Variants in LEMD3 observed in about 807,000 individuals in gnomAD.
LEMD3 encodes LEM domain containing 3.
Under a neutral mutation model 95.2 loss-of-function variants are expected in LEMD3, and 33 were observed. That is an observed-to-expected ratio of 0.35 (90% CI 0.26 to 0.46). LEMD3 has a LOEUF of 0.46. Among genes scored for constraint, LEMD3 ranks in the 20% least tolerant of loss-of-function variants. LEMD3 has a pLI of 1.00. For missense variants in LEMD3, 1,210 were observed against 1,192.8 expected, an observed-to-expected ratio of 1.01 and a Z score of -0.21; for synonymous variants, 525 against 474.6, an observed-to-expected ratio of 1.11 and a Z score of -1.38.
intron 1 of LEMD3, 131 bp downstream of exon 1, chr12:65,171,249 C>T (rs1592425984): frequency 2.0e-6 from 3 of 1,470,564 alleles, no homozygotes; most frequent in East Asian, 4.9e-5. Context: ...CGCAACAGTG[C>T]GTGCATGTGT....
At chr12:65,194,817 C>CTTTAGATTATAATTAATAAATTATAA (rs1869362664) in intron 1 of LEMD3, among the ~76,000 whole-genome samples, 4 of 10,426 alleles carry the variant, frequency 3.8e-4, no homozygotes, top group Non-Finnish European at 9.3e-4. Context: ...CTTAATTATA[C>CTTTAGATTATAATTAATAAATTATAA]TTTAGATTAT....
chr12:65,193,041 T>C (rs1432964450), intron 1 of LEMD3, among the ~76,000 whole-genome samples: 1 of 152,204 alleles, frequency 6.6e-6, no homozygotes, highest in Non-Finnish European at 1.5e-5. Context: ...ACTGCTGTGC[T>C]GTATAATACA....
Position 65,170,640 on chromosome 12 carries a change from A to G in LEMD3, c.1044A>G (p.Gln348=), listed in dbSNP as rs1207437430. ...AAAEQGGGCD[Q]VDSSPVPRYR... The stretch of plus-strand genomic sequence containing the variant: ...CGGAGCAGGGAGGAGGGTGTGATCA[A>G]GTGGACTCCAGCCCCGTTCCTAGAT... The change falls in exon 1 of 13, where the codon CAA becomes CAG. Residue 348 remains glutamine (Q), a synonymous_variant. Transcript: ENST00000308330. The G allele has an allele frequency of 6.2e-7, 1 of 1,614,150 alleles. No homozygotes were observed. The highest frequency in any genetic ancestry group is 1.1e-5 in the South Asian group (1 of 91,082).
intron 4 of LEMD3, among the ~76,000 whole-genome samples, chr12:65,228,340 A>G (rs1592456853): frequency 6.6e-6 from 1 of 151,656 alleles, no homozygotes; most frequent in African/African-American, 2.4e-5. Flanking sequence ...AAAAAAAGAT[A>G]TTAATGAACT....
intron 4 of LEMD3, among the ~76,000 whole-genome samples, chr12:65,233,975 T>G (rs1362431478): frequency 1.3e-5 from 2 of 152,180 alleles, no homozygotes; most frequent in Admixed American, 6.5e-5. Flanking sequence ...CATGAAGCAG[T>G]CAGTGGTATA....
intron 1 of LEMD3, among the ~76,000 whole-genome samples, chr12:65,185,114 G>A (rs1592433221): frequency 6.6e-6 from 1 of 152,004 alleles, no homozygotes; most frequent in East Asian, 1.9e-4. Context: ...ACACCACCAA[G>A]TCTGGCAGTC....
rs951976491 is a variant in LEMD3, at chr12:65,247,116, G to A, written c.*791G>A. 1 of 152,430 alleles carries A rather than the reference G, an allele frequency of 6.6e-6. No individual in the cohort carries two copies. Among genetic ancestry groups the A allele is most frequent in the Non-Finnish European group, 1.5e-5 (1 of 67,966 alleles). The allele number at this position is 152,430 out of a possible 1,614,324, so 9.4% of individuals were successfully genotyped here. A position where few individuals can be genotyped will look rare whatever the true frequency, so the allele number is the denominator to read the frequency against. ...CATAGATCAAACAGCCAAACACCTG[G>A]AAGTATTAGATACAAGTTTAAAATA... On this transcript the variant is annotated 3_prime_UTR_variant, in exon 13 of 13. Coordinates refer to ENST00000308330, the MANE Select transcript of LEMD3 (RefSeq NM_014319.5).
At chr12:65,218,712 T>C in intron 4 of LEMD3, 93 bp downstream of exon 4, 2 of 782,788 alleles carry the variant, frequency 2.6e-6, no homozygotes, top group Non-Finnish European at 2.1e-6. Context: ...ATTATTTTAA[T>C]TGTACTGTTA....
In LEMD3 at chr12:65,171,085, G is replaced by C; in HGVS notation, c.1489G>C (p.Gly497Arg). ...ILGLTYLGMRGTGVSEDGELS... is the reference protein window; with the variant it reads ...ILGLTYLGMRRTGVSEDGELS... ...GGGACTGACTTACCTAGGAATGAGA[G>C]GGACAGGAGTATCTGAGGATGGAGA... The change falls in exon 1 of 13, where the codon GGG becomes CGG. Residue 497 changes from glycine (G) to arginine (R), a missense_variant. Gly to Arg is a moderately radical substitution (Grantham distance 125). Around this residue, in one of 2 missense-constraint regions of LEMD3, gnomAD observed 461 missense variants for 569.8 expected, o/e 0.81. Coordinates refer to ENST00000308330, the MANE Select transcript of LEMD3 (RefSeq NM_014319.5). 1 of 1,613,496 alleles carries C rather than the reference G, an allele frequency of 6.2e-7. No individual in the cohort carries two copies. The highest frequency in any genetic ancestry group is 8.5e-7 in the Non-Finnish European group (1 of 1,180,014).
intron 1 of LEMD3, among the ~76,000 whole-genome samples, chr12:65,198,190 T>C (rs1206323883): frequency 6.6e-6 from 1 of 152,150 alleles, no homozygotes; most frequent in African/African-American, 2.4e-5. Flanking sequence ...GGAACTGTTA[T>C]AGTCTCCAGT....
chr12:65,170,067 C>T lies in LEMD3; in HGVS notation c.471C>T (p.Gly157=), dbSNP rs976581902. The change falls in exon 1 of 13, where the codon GGC becomes GGT. Residue 157 remains glycine, a synonymous_variant. Transcript: ENST00000308330. The part of the protein sequence containing the change: ...EASPRDQAGG[G]GRKDRASLQY... The stretch of plus-strand genomic sequence containing the variant: ...GTCCCCGGGACCAGGCCGGCGGCGG[C>T]GGGAGGAAAGACCGGGCTTCGCTCC... 6 of 1,487,124 alleles carry T rather than the reference C, an allele frequency of 4.0e-6. No individual in the cohort carries two copies. The African/African-American group carries it at 7.2e-5, about 18-fold the overall frequency. 92.1% of individuals were successfully genotyped at this position (1,487,124 alleles called of 1,614,324 possible).
At chr12:65,227,346 C>T (rs1406684148) in intron 4 of LEMD3, among the ~76,000 whole-genome samples, 2 of 151,910 alleles carry the variant, frequency 1.3e-5, no homozygotes, top group Non-Finnish European at 2.9e-5. Context: ...GAGGTAATAC[C>T]GTAGATCTGT....
Position 65,170,710 on chromosome 12 carries a change from C to T in LEMD3, c.1114C>T (p.Leu372Phe). The T allele has an allele frequency of 1.9e-6, 3 of 1,614,258 alleles. No homozygotes were observed. Among genetic ancestry groups the T allele is most frequent in the Non-Finnish European group, 2.5e-6 (3 of 1,180,044 alleles). The stretch of plus-strand genomic sequence containing the variant: ...ACTGACCCCTCTCCTGCCCCCGCCA[C>T]TTACTGACATGGACTCAACCTTGGA... The part of the protein sequence containing the change: ...KKLTPLLPPP[L>F]TDMDSTLDSS... The change falls in exon 1 of 13, where the codon CTT becomes TTT. Residue 372 changes from leucine (L) to phenylalanine (F), a missense_variant. Leu to Phe is a conservative substitution (Grantham distance 22). This residue lies in a region of LEMD3 where 749 missense variants were observed against 622.9 expected (regional missense o/e 1.20). Coordinates refer to ENST00000308330, the MANE Select transcript of LEMD3 (RefSeq NM_014319.5).
rs1868455043 is a variant in LEMD3, at chr12:65,169,837, CCAG to C, written c.243_245del (p.Ala87del). 5 of 1,464,638 alleles carry C rather than the reference CCAG, an allele frequency of 3.4e-6. No homozygotes were observed. Among genetic ancestry groups the C allele is most frequent in the Non-Finnish European group, 4.5e-6 (5 of 1,105,014 alleles). 90.7% of individuals were successfully genotyped at this position (1,464,638 alleles called of 1,614,324 possible). On this transcript the variant is annotated inframe_deletion, in exon 1 of 13. Coordinates refer to ENST00000308330, the MANE Select transcript of LEMD3 (RefSeq NM_014319.5). ...AGCCGCCACGGTCGCAGCCGCGGGACCAGCGGCGGCGGCGGCCGCGGGGATGGG... is the reference window on the plus strand; with the variant it reads ...AGCCGCCACGGTCGCAGCCGCGGGACCGGCGGCGGCGGCCGCGGGGATGGG...
At chr12:65,203,114 A>G (rs1869654624) in intron 1 of LEMD3, among the ~76,000 whole-genome samples, 1 of 152,066 alleles carries the variant, frequency 6.6e-6, no homozygotes, top group Non-Finnish European at 1.5e-5. Flanking sequence ...CTAATTTTCC[A>G]AGGTGGAAGC....
chr12:65,204,947 C>G (rs1869718209), intron 1 of LEMD3, among the ~76,000 whole-genome samples: 1 of 152,058 alleles, frequency 6.6e-6, no homozygotes, highest in South Asian at 2.1e-4. Flanking sequence ...CCTCACACTG[C>G]TATAAAGAAA....
At chr12:65,245,528 C>T in intron 10 of LEMD3, 141 bp from the exon 11 acceptor site, 1 of 677,364 alleles carries the variant, frequency 1.5e-6, no homozygotes, top group Non-Finnish European at 2.6e-6. Flanking sequence ...AGTCAACAAG[C>T]ATTTACTTAA....
Position 65,188,157 on chromosome 12 carries a change from G to GT in LEMD3, c.1522+17047dup, listed in dbSNP as rs201042255. 1.3e-4 allele frequency among the ~76,000 whole-genome samples: 19 copies of GT among 151,754 alleles called. No homozygotes were observed. The East Asian group carries it at 1.5e-3, about 12-fold the overall frequency. ...ACAGTAGGGTGTCTAAAAAAGGCCA[G>GT]TTTTTTTTCCCCCTCCAGTATAGTA... On this transcript the variant is annotated intron_variant, in intron 1 of 12. Coordinates refer to ENST00000308330, the MANE Select transcript of LEMD3 (RefSeq NM_014319.5).
chr12:65,217,589 G>T (rs1442537612), intron 3 of LEMD3, among the ~76,000 whole-genome samples: 2 of 152,160 alleles, frequency 1.3e-5, no homozygotes, highest in Non-Finnish European at 2.9e-5. Flanking sequence ...CTACTTGAAA[G>T]ACACAGGGAA....
Sources: gnomAD v4.1 joint callset for allele counts (sites outside exome capture counted in the v4.1 genomes callset) on GRCh38, gnomAD v4.1.1 for gene constraint, gnomAD v4.1.1 regional missense constraint, MANE v1.5 for transcripts, NCBI Gene and HGNC (gene_info 2026-07-23, HGNC 2026-07-21) for gene names.